Variants in ATP2B1 observed in about 807,000 individuals in gnomAD.
The protein encoded by ATP2B1 is plasma membrane calcium-transporting ATPase 1.
Under a neutral mutation model 124.2 loss-of-function variants are expected in ATP2B1, and 14 were observed. The ratio of observed to expected loss-of-function variants is 0.11; its 90% CI spans 0.07 to 0.18. ATP2B1 has a LOEUF of 0.18. Ranked by LOEUF, ATP2B1 falls within the 10% of genes least tolerant of loss-of-function variation. The probability of loss-of-function intolerance (pLI) is 1.00; values close to 1 mark genes in which losing one functional copy is unlikely to be tolerated. For missense variants in ATP2B1, 763 were observed against 1,466.1 expected (o/e 0.52, Z 7.83); for synonymous variants, 449 against 492.4 (o/e 0.91, Z 1.17).
At chr12:89,615,361 C>T (rs1270693121) in intron 12 of ATP2B1, among the ~76,000 whole-genome samples, 2 of 152,054 alleles carry the variant, frequency 1.3e-5, no homozygotes, top group Non-Finnish European at 2.9e-5. Context: ...GCCACCCTGC[C>T]ACCCAGAATA....
rs1471490820 is a variant in ATP2B1, at chr12:89,620,225, C to T, written c.1603G>A (p.Gly535Ser). 2 of 1,613,766 alleles carry T rather than the reference C, an allele frequency of 1.2e-6. No homozygotes were observed. The highest frequency in any genetic ancestry group is 2.2e-5 in the South Asian group (2 of 91,068). The change falls in exon 11 of 21, where the codon GGT (glycine) becomes AGT (serine). Residue 535 changes from glycine (G) to serine (S), a missense_variant. Gly to Ser is a moderately conservative substitution (Grantham distance 56, BLOSUM62 0). Coordinates refer to ENST00000428670, the MANE Select transcript of ATP2B1 (RefSeq NM_001366521.1). ...TSKILPPEKE[G>S]GLPRHVGNKT... ...TTACCAACGTGACGAGGTAATCCAC[C>T]CTCTTTCTCTGGTGGCTATAAGAGA...
At chr12:89,646,489 A>C (rs1439667086) in intron 2 of ATP2B1, among the ~76,000 whole-genome samples, 1 of 152,188 alleles carries the variant, frequency 6.6e-6, no homozygotes, top group Non-Finnish European at 1.5e-5. Context: ...CAAGGAAGGC[A>C]GGGGAGTGGG....
At chr12:89,631,783 A>G (rs999893455) in intron 5 of ATP2B1, among the ~76,000 whole-genome samples, 1 of 150,424 alleles carries the variant, frequency 6.6e-6, no homozygotes, top group African/African-American at 2.4e-5. Flanking sequence ...TACTATTCTC[A>G]TTTTCTAGAA....
intron 2 of ATP2B1, among the ~76,000 whole-genome samples, chr12:89,648,966 A>T (rs920860452): frequency 1.3e-5 from 2 of 152,254 alleles, no homozygotes; most frequent in Non-Finnish European, 2.9e-5. Context: ...ATGTGGTATT[A>T]AATTTGCAGA....
intron 1 of ATP2B1, among the ~76,000 whole-genome samples, chr12:89,672,302 A>C (rs1489478257): frequency 1.3e-5 from 2 of 152,094 alleles, no homozygotes; most frequent in East Asian, 3.9e-4. Flanking sequence ...TAAAATACCC[A>C]AATTAGCTGG....
At chr12:89,705,048 A>G (rs548363541) in intron 1 of ATP2B1, among the ~76,000 whole-genome samples, 1 of 152,294 alleles carries the variant, frequency 6.6e-6, no homozygotes, top group Non-Finnish European at 1.5e-5. Context: ...AATTGTCAAA[A>G]CTGGCCAGTA....
chr12:89,636,257 A>G (rs1308667618), intron 3 of ATP2B1, among the ~76,000 whole-genome samples: 4 of 152,140 alleles, frequency 2.6e-5, no homozygotes, highest in African/African-American at 7.2e-5. Context: ...CCAAAACTCT[A>G]TAGTCAATAA....
intron 19 of ATP2B1, 69 bp from the exon 20 acceptor site, chr12:89,599,368 C>T (rs572124292): frequency 1.5e-5 from 22 of 1,512,330 alleles, no homozygotes; most frequent in Non-Finnish European, 1.9e-5. Flanking sequence ...AACTGTAATA[C>T]TAAAGGTATT....
At chr12:89,691,323 T>C (rs1459124412) in intron 1 of ATP2B1, among the ~76,000 whole-genome samples, 1 of 152,140 alleles carries the variant, frequency 6.6e-6, no homozygotes, top group African/African-American at 2.4e-5. Flanking sequence ...ACCTCAAATA[T>C]TAAAGTCTAT....
intron 1 of ATP2B1, among the ~76,000 whole-genome samples, chr12:89,688,694 T>A (rs1398775645): frequency 1.3e-5 from 2 of 152,030 alleles, no homozygotes; most frequent in Non-Finnish European, 2.9e-5. Context: ...GAACAGGCAC[T>A]AAGGTGGGAG....
chr12:89,655,712 T>G lies in ATP2B1; in HGVS notation c.175A>C (p.Ile59Leu). 1 of 1,614,138 alleles carries G rather than the reference T, an allele frequency of 6.2e-7. No homozygotes were observed. The highest frequency in any genetic ancestry group is 8.5e-7 in the Non-Finnish European group (1 of 1,179,996). ...IQESYGDVYG[I>L]CTKLKTSPNE... ...GGAGATGTTTTCAATTTGGTGCAAA[T>G]TCCATAGACATCTCCATAGCTTTCC... Residue 59 changes from isoleucine (I) to leucine (L), a missense_variant, in exon 2 of 21, where the codon ATT becomes CTT. Around this residue, in one of 7 missense-constraint regions of ATP2B1, gnomAD observed 93 missense variants for 112.7 expected, o/e 0.83. Transcript: ENST00000428670.
At chr12:89,597,463 T>C (rs558285779) in intron 20 of ATP2B1, among the ~76,000 whole-genome samples, 8 of 152,142 alleles carry the variant, frequency 5.3e-5, no homozygotes, top group Non-Finnish European at 1.2e-4. Context: ...ACAGGGACAG[T>C]TCTTACTGTG....
At chr12:89,658,844 G>GT (rs1307073773) in intron 1 of ATP2B1, among the ~76,000 whole-genome samples, 1 of 152,122 alleles carries the variant, frequency 6.6e-6, no homozygotes, top group Non-Finnish European at 1.5e-5. Flanking sequence ...TTCCCTCACT[G>GT]TTTAAAGAAA....
At chr12:89,619,970 A>G (rs1565826999) in intron 11 of ATP2B1, 29 bp downstream of exon 11, 2 of 1,609,584 alleles carry the variant, frequency 1.2e-6, no homozygotes, top group Non-Finnish European at 1.7e-6. Flanking sequence ...ATAGTCAGCA[A>G]TTTATTCATC....
chr12:89,633,366 T>C (rs1882189072), intron 5 of ATP2B1, among the ~76,000 whole-genome samples: 1 of 152,038 alleles, frequency 6.6e-6, no homozygotes, highest in Non-Finnish European at 1.5e-5. Context: ...GTTTGTTACA[T>C]ATGTATACAT....
intron 2 of ATP2B1, among the ~76,000 whole-genome samples, chr12:89,645,725 G>A (rs1018558509): frequency 6.6e-6 from 1 of 152,208 alleles, no homozygotes; most frequent in South Asian, 2.1e-4. Flanking sequence ...GACCCTGGAG[G>A]AAAGAAGAGA....
chr12:89,617,484 T>C (rs1879175284), intron 11 of ATP2B1, among the ~76,000 whole-genome samples: 2 of 152,204 alleles, frequency 1.3e-5, no homozygotes, highest in South Asian at 4.1e-4. Context: ...TCATCACCTA[T>C]ATTGTTTTAA....
At chr12:89,633,355 G>T (rs1330509590) in intron 5 of ATP2B1, among the ~76,000 whole-genome samples, 1 of 151,614 alleles carries the variant, frequency 6.6e-6, no homozygotes, top group Non-Finnish European at 1.5e-5. Flanking sequence ...ACAATGTGTA[G>T]GTTTGTTACA....
chr12:89,627,343 T>C (rs2136130351), intron 7 of ATP2B1, among the ~76,000 whole-genome samples: 1 of 151,018 alleles, frequency 6.6e-6, no homozygotes. Context: ...GTGTTTGGAG[T>C]TGGGTCTCTT....
Sources: gnomAD v4.1 joint callset for allele counts (sites outside exome capture counted in the v4.1 genomes callset) on GRCh38, gnomAD v4.1.1 for gene constraint, gnomAD v4.1.1 regional missense constraint, MANE v1.5 for transcripts, NCBI Gene and HGNC (gene_info 2026-07-23, HGNC 2026-07-21) for gene names.